The following ZKSCAN1 variants were observed in gnomAD, a reference collection of about 807,000 sequenced individuals.
ZKSCAN1 encodes the protein zinc finger protein with KRAB and SCAN domains 1.
In ZKSCAN1, 14 loss-of-function variants were observed where a neutral mutation model predicts 51.6. That is an observed-to-expected ratio of 0.27 (90% confidence interval 0.18 to 0.42). The LOEUF (loss-of-function observed/expected upper bound fraction) is 0.42, where lower values mean the gene tolerates loss of function less well. Ranked by LOEUF, ZKSCAN1 falls within the 10% of genes least tolerant of loss-of-function variation. The pLI is 1.00. For synonymous variants in ZKSCAN1, 263 were observed against 261.5 expected (o/e 1.01, Z -0.06); for missense variants, 531 against 710.0 (o/e 0.75, Z 2.86).
At chr7:100,016,056 C>T (rs1018273451) in intron 1 of ZKSCAN1, among the ~76,000 whole-genome samples, 9 of 152,176 alleles carry the variant, frequency 5.9e-5, no homozygotes, top group African/African-American at 2.2e-4. Flanking sequence ...AACGGGGTCG[C>T]GAGCGAACCG....
intron 1 of ZKSCAN1, among the ~76,000 whole-genome samples, chr7:100,018,273 C>T (rs564681737): frequency 6.6e-6 from 1 of 152,130 alleles, no homozygotes; most frequent in South Asian, 2.1e-4. Flanking sequence ...TCAATTCAGT[C>T]AAGTGTATTT....
Position 100,038,090 on chromosome 7 carries a change from G to A in ZKSCAN1, c.*3893G>A. 5 of 985,182 alleles carry A rather than the reference G, an allele frequency of 5.1e-6. No individual in the cohort carries two copies. Among genetic ancestry groups the A allele is most frequent in the Non-Finnish European group, 6.0e-6 (5 of 829,884 alleles). The allele number at this position is 985,182 out of a possible 1,614,324, so 61.0% of individuals were successfully genotyped here. A position where few individuals can be genotyped will look rare whatever the true frequency, so the allele number is the denominator to read the frequency against. On this transcript the variant is annotated 3_prime_UTR_variant, in exon 6 of 6. Coordinates refer to ENST00000324306, the MANE Select transcript of ZKSCAN1 (RefSeq NM_003439.4). Reference sequence around the variant, plus strand: ...GATCTACAGATGAAAAAAAATGTGGGGAAATGCTTTAAAAAAATAGCAAAA... The same window carrying A: ...GATCTACAGATGAAAAAAAATGTGGAGAAATGCTTTAAAAAAATAGCAAAA...
Position 100,029,830 on chromosome 7 carries a change from AT to A in ZKSCAN1, c.581-28del, listed in dbSNP as rs891225426. On this transcript the variant is annotated intron_variant, in intron 3 of 5. Coordinates refer to ENST00000324306, the MANE Select transcript of ZKSCAN1 (RefSeq NM_003439.4). ...TTGAGCAAGGCTCAGAGCGGAGCTG[AT>A]TTACTCACAGACCCTTTCTCCTCCC... 9 of 1,605,346 alleles carry A rather than the reference AT, an allele frequency of 5.6e-6. No individual in the cohort carries two copies. The African/African-American group carries it at 1.1e-4, about 19-fold the overall frequency.
At chr7:100,031,273 A>ATTTTTTTTTTTTTTTTTTTTTTTTTTTT (rs60390216) in intron 5 of ZKSCAN1, among the ~76,000 whole-genome samples, 1 of 89,508 alleles carries the variant, frequency 1.1e-5, no homozygotes, top group Non-Finnish European at 2.0e-5. Context: ...GTACTAGATG[A>ATTTTTTTTTTTTTTTTTTTTTTTTTTTT]TTTTTTTTTT....
chr7:100,042,825 T>A (rs1791633943), downstream of ZKSCAN1, among the ~76,000 whole-genome samples: 1 of 139,038 alleles, frequency 7.2e-6, no homozygotes, highest in South Asian at 2.2e-4. Flanking sequence ...TTAGACGGAG[T>A]CTCGCTCTGT....
At chr7:100,031,833 C>T (rs1012948562) in intron 5 of ZKSCAN1, among the ~76,000 whole-genome samples, 88 of 152,246 alleles carry the variant, frequency 5.8e-4, no homozygotes, top group African/African-American at 2.0e-3. Context: ...TCCCAACACT[C>T]GAGGAGGCTG....
intron 3 of ZKSCAN1, among the ~76,000 whole-genome samples, chr7:100,025,315 T>A (rs1318502463): frequency 8.5e-6 from 1 of 117,336 alleles, no homozygotes. Context: ...GAGAGTCTGT[T>A]TCCAAAAAAA....
In ZKSCAN1 at chr7:100,040,483, AGTGAGATCT is replaced by A. The variant is rs1791548510; in HGVS notation, c.*6292_*6300del. 4 of 985,436 alleles carry A rather than the reference AGTGAGATCT, an allele frequency of 4.1e-6. No homozygotes were observed. Among genetic ancestry groups the A allele is most frequent in the Non-Finnish European group, 4.8e-6 (4 of 829,944 alleles). 61.0% of individuals were successfully genotyped at this position (985,436 alleles called of 1,614,324 possible). On this transcript the variant is annotated 3_prime_UTR_variant, in exon 6 of 6. Transcript: ENST00000324306. Reference sequence around the variant, plus strand: ...AGTGAGGCTGAGTATTTTAAGATAGAGTGAGATCTGTGAGTGATTGAAAGGTGATATTTA... The same window carrying A: ...AGTGAGGCTGAGTATTTTAAGATAGAGTGAGTGATTGAAAGGTGATATTTA...
At position 100,041,625 on chromosome 7, in the gene ZKSCAN1, A is replaced by G; in HGVS notation, c.*7428A>G. On this transcript the variant is annotated 3_prime_UTR_variant, in exon 6 of 6. Transcript: ENST00000324306. ...GAAGGAAATTGTGGGGATTTGAAAT[A>G]TTCTCTTTATGTTGTTTCTCTTCTG... The G allele has an allele frequency of 1.0e-6, 1 of 985,388 alleles. No individual in the cohort carries two copies. The highest frequency in any genetic ancestry group is 1.2e-6 in the Non-Finnish European group (1 of 829,908). The allele number at this position is 985,388 out of a possible 1,614,324, so 61.0% of individuals were successfully genotyped here. A position where few individuals can be genotyped will look rare whatever the true frequency, so the allele number is the denominator to read the frequency against.
chr7:100,042,047 G>A (rs1477932645), downstream of ZKSCAN1, among the ~76,000 whole-genome samples: 3 of 152,154 alleles, frequency 2.0e-5, no homozygotes, highest in African/African-American at 2.4e-5. Context: ...GGCCAGCCAT[G>A]GTGGCTTATG....
chr7:100,023,115 T>C (rs1584331681), intron 1 of ZKSCAN1, among the ~76,000 whole-genome samples: 1 of 151,946 alleles, frequency 6.6e-6, no homozygotes, highest in Non-Finnish European at 1.5e-5. Flanking sequence ...GGTTCAAGCG[T>C]TTCTCCTGCC....
At chr7:100,026,770 C>CTGTA (rs988508946) in intron 3 of ZKSCAN1, among the ~76,000 whole-genome samples, 50 of 151,898 alleles carry the variant, frequency 3.3e-4, no homozygotes, top group African/African-American at 1.2e-3. Context: ...AATTAGCTTA[C>CTGTA]TGTAACTTTT....
At chr7:100,032,048 C>T (rs1348152920) in intron 5 of ZKSCAN1, among the ~76,000 whole-genome samples, 1 of 152,224 alleles carries the variant, frequency 6.6e-6, no homozygotes, top group Non-Finnish European at 1.5e-5. Context: ...CACTGTACTC[C>T]AGCCTGGCTG....
chr7:100,016,692 A>G, intron 1 of ZKSCAN1: 1 of 152,342 alleles, frequency 6.6e-6, no homozygotes, highest in East Asian at 1.9e-4. Context: ...TGTACACAGT[A>G]AGATACTTTC....
chr7:100,041,600 G>C lies in ZKSCAN1; in HGVS notation c.*7403G>C. 1.0e-6 allele frequency: 1 copy of C among 985,404 alleles called. No homozygotes were observed. Among genetic ancestry groups the C allele is most frequent in the Non-Finnish European group, 1.2e-6 (1 of 829,926 alleles). 61.0% of individuals were successfully genotyped at this position (985,404 alleles called of 1,614,324 possible). On this transcript the variant is annotated 3_prime_UTR_variant, in exon 6 of 6. Transcript: ENST00000324306. Reference sequence around the variant, plus strand: ...AAATGTTAAGAGTAGTGAGGTTGAGGAAGGAAATTGTGGGGATTTGAAATA... The same window carrying C: ...AAATGTTAAGAGTAGTGAGGTTGAGCAAGGAAATTGTGGGGATTTGAAATA...
chr7:100,028,397 C>T (rs1050076217), intron 3 of ZKSCAN1, among the ~76,000 whole-genome samples: 1 of 151,952 alleles, frequency 6.6e-6, no homozygotes, highest in Non-Finnish European at 1.5e-5. Flanking sequence ...ACCTGTAATC[C>T]TAGCATTTGG....
In ZKSCAN1 at chr7:100,037,792, C is replaced by T. The variant is rs866749603; in HGVS notation, c.*3595C>T. The T allele has an allele frequency of 2.8e-5, 25 of 906,386 alleles. No individual in the cohort carries two copies. The highest frequency in any genetic ancestry group is 6.2e-5 in the Admixed American group (1 of 16,132). 56.1% of individuals were successfully genotyped at this position (906,386 alleles called of 1,614,324 possible). On this transcript the variant is annotated 3_prime_UTR_variant, in exon 6 of 6. Coordinates refer to ENST00000324306, the MANE Select transcript of ZKSCAN1 (RefSeq NM_003439.4). ...CAGCACTTTGGGAGGCCGAGGCAGG[C>T]GGATCACGAGGTCAGTAGTTCGAGA...
chr7:100,028,038 C>T (rs887708415), intron 3 of ZKSCAN1, among the ~76,000 whole-genome samples: 1 of 151,926 alleles, frequency 6.6e-6, no homozygotes, highest in African/African-American at 2.4e-5. Context: ...AGAGTGTTTC[C>T]TTACTCTCAG....
chr7:100,043,306 A>C (rs772282213), downstream of ZKSCAN1, among the ~76,000 whole-genome samples: 6 of 151,398 alleles, frequency 4.0e-5, no homozygotes, highest in South Asian at 1.3e-3. Context: ...TCCTCAAGCA[A>C]TCCTCCCACC....
Sources: gnomAD v4.1 joint callset for allele counts (sites outside exome capture counted in the v4.1 genomes callset) on GRCh38, gnomAD v4.1.1 for gene constraint, MANE v1.5 for transcripts, NCBI Gene and HGNC (gene_info 2026-07-23, HGNC 2026-07-21) for gene names.